The following NLRP5 variants were observed in gnomAD, a reference collection of about 807,000 sequenced individuals.
The protein encoded by NLRP5 is NLR family pyrin domain containing 5.
A neutral mutation model predicts 113.1 loss-of-function variants in NLRP5; 93 were observed. The observed-to-expected ratio is 0.82, with a 90% CI of 0.70 to 0.98. The LOEUF is 0.98. Among genes scored for constraint, NLRP5 ranks in the 50% least tolerant of loss-of-function variants. The probability of loss-of-function intolerance (pLI) is 0.00; values close to 1 mark genes in which losing one functional copy is unlikely to be tolerated. For synonymous variants in NLRP5, 751 were observed against 600.7 expected, an observed-to-expected ratio of 1.25 and a Z score of -3.66; for missense variants, 1,808 against 1,514.3, an observed-to-expected ratio of 1.19 and a Z score of -3.22.
Position 56,061,691 on chromosome 19 carries a change from C to A in NLRP5, c.*163C>A, listed in dbSNP as rs1032852500. 3.9e-6 allele frequency: 3 copies of A among 764,354 alleles called. No individual in the cohort carries two copies. In the East Asian group the frequency reaches 7.9e-5, roughly 20 times the overall value. The allele number at this position is 764,354 out of a possible 1,614,324, so 47.3% of individuals were successfully genotyped here. A position where few individuals can be genotyped will look rare whatever the true frequency, so the allele number is the denominator to read the frequency against. ...TAGTGATTCTTCTGTGTTCACTCTACGTTGGTTACTGGATTTGAAGGCTAG... is the reference window on the plus strand; with the variant it reads ...TAGTGATTCTTCTGTGTTCACTCTAAGTTGGTTACTGGATTTGAAGGCTAG... On this transcript the variant is annotated 3_prime_UTR_variant, in exon 15 of 15. Coordinates refer to ENST00000390649, the MANE Select transcript of NLRP5 (RefSeq NM_153447.4).
Position 56,027,397 on chromosome 19 carries a change from C to A in NLRP5, c.1164C>A (p.Phe388Leu). 6.2e-7 allele frequency: 1 copy of A among 1,613,508 alleles called. No homozygotes were observed. The highest frequency in any genetic ancestry group is 2.2e-5 in the East Asian group (1 of 44,878). The stretch of plus-strand genomic sequence containing the variant: ...ACTGGGCTGAGAAGCAGCCTCCGTT[C>A]ACCCTCATACGCAGTCTGCTGAGGA... Residue 388 changes from phenylalanine (F) to leucine (L), a missense_variant, in exon 7 of 15, where the codon TTC becomes TTA. By Grantham distance (22) the Phe-to-Leu change is conservative. Transcript: ENST00000390649.
chr19:56,033,728 T>C lies in NLRP5; in HGVS notation c.2615+19T>C, dbSNP rs1459657274. The C allele has an allele frequency of 1.9e-6, 3 of 1,572,304 alleles. No individual in the cohort carries two copies. Among genetic ancestry groups the C allele is most frequent in the Non-Finnish European group, 2.6e-6 (3 of 1,159,718 alleles). The stretch of plus-strand genomic sequence containing the variant: ...CTTTGAGGTACGTCTCTGGTAGAGC[T>C]TTTGCCTTGTTTTTCTTCGTTTTTA... On this transcript the variant is annotated intron_variant, in intron 9 of 14. Transcript: ENST00000390649.
Position 56,003,119 on chromosome 19 carries a change from G to C in NLRP5, c.63-597G>C, listed in dbSNP as rs1201203308. On this transcript the variant is annotated intron_variant, in intron 1 of 14. Coordinates refer to ENST00000390649, the MANE Select transcript of NLRP5 (RefSeq NM_153447.4). ...TCCCATTACTGGGTATATACCCTAA[G>C]GATTATAAATCATGCTGCTATAAAG... 2.0e-5 allele frequency among the ~76,000 whole-genome samples: 3 copies of C among 151,146 alleles called. No individual in the cohort carries two copies. In the East Asian group the frequency reaches 5.9e-4, roughly 30 times the overall value.
At chr19:56,006,372 T>TA (rs1378609949) in intron 2 of NLRP5, among the ~76,000 whole-genome samples, 1 of 152,044 alleles carries the variant, frequency 6.6e-6, no homozygotes, top group African/African-American at 2.4e-5. Context: ...CATGTATACA[T>TA]ATGTAACAAA....
In NLRP5 at chr19:56,023,675, T is replaced by A. The variant is rs1982705015; in HGVS notation, c.680-3238T>A. Among the ~76,000 whole-genome samples, 4 of 152,308 alleles carry A rather than the reference T, an allele frequency of 2.6e-5. No individual in the cohort carries two copies. In the South Asian group the frequency reaches 6.2e-4, roughly 24 times the overall value. Reference sequence around the variant, plus strand: ...TTAGATATTATAAGCAGCCTAGAGATGACTTAAACTACATGGGAGGATGTG... The same window carrying A: ...TTAGATATTATAAGCAGCCTAGAGAAGACTTAAACTACATGGGAGGATGTG... On this transcript the variant is annotated intron_variant, in intron 6 of 14. Transcript: ENST00000390649.
At chr19:55,995,704 TTCTAA>T (rs1981303162), upstream of NLRP5, among the ~76,000 whole-genome samples, 1 of 151,766 alleles carries the variant, frequency 6.6e-6, no homozygotes, top group Admixed American at 6.6e-5. Context: ...AACAACATTC[TTCTAA>T]TCAGTGAACG....
At chr19:56,030,235 T>C (rs542095192) in intron 7 of NLRP5, among the ~76,000 whole-genome samples, 24 of 151,962 alleles carry the variant, frequency 1.6e-4, no homozygotes, top group African/African-American at 5.8e-4. Flanking sequence ...TGGGGCGTGG[T>C]GGTGGGTGCC....
At chr19:56,056,579 G>T (rs762412685) in intron 13 of NLRP5, among the ~76,000 whole-genome samples, 1 of 151,910 alleles carries the variant, frequency 6.6e-6, no homozygotes, top group African/African-American at 2.4e-5. Context: ...GCATCCCTGC[G>T]GTAGTTAATT....
chr19:55,991,870 CTTT>C, the NLRP5 span, among the ~76,000 whole-genome samples: 1 of 151,986 alleles, frequency 6.6e-6, no homozygotes, highest in Non-Finnish European at 1.5e-5. Flanking sequence ...AGCTAACATT[CTTT>C]TTTTACTTTT....
intron 11 of NLRP5, among the ~76,000 whole-genome samples, chr19:56,045,711 C>A (rs1983698430): frequency 6.6e-6 from 1 of 152,000 alleles, no homozygotes; most frequent in Non-Finnish European, 1.5e-5. Context: ...TAGGGATAAG[C>A]AGTGGAAAGT....
At chr19:56,001,803 C>T (rs1981663009) in intron 1 of NLRP5, among the ~76,000 whole-genome samples, 1 of 152,074 alleles carries the variant, frequency 6.6e-6, no homozygotes, top group Non-Finnish European at 1.5e-5. Context: ...CCAATACCGC[C>T]CCTCAGACAA....
intron 2 of NLRP5, 92 bp downstream of exon 2, chr19:56,004,187 C>A: frequency 7.4e-7 from 1 of 1,346,786 alleles, no homozygotes; most frequent in Non-Finnish European, 1.0e-6. Flanking sequence ...CAGTAACCGG[C>A]TCCACCTCTG....
chr19:56,059,987 TAGG>T (rs1375772098), intron 14 of NLRP5, among the ~76,000 whole-genome samples: 14 of 152,074 alleles, frequency 9.2e-5, no homozygotes, highest in African/African-American at 1.9e-4. Flanking sequence ...CCTGGAATCA[TAGG>T]AGGAAGGTGA....
Position 56,058,028 on chromosome 19 carries a change from CA to C in NLRP5, c.3300-196del, listed in dbSNP as rs10659776. 8.0e-3 allele frequency among the ~76,000 whole-genome samples: 930 copies of C among 115,572 alleles called. 7 individuals carry two copies. Among genetic ancestry groups the C allele is most frequent in the African/African-American group, 0.019 (596 of 31,794 alleles). 75.8% of individuals were successfully genotyped at this position (115,572 alleles called of 152,430 possible). A position where few individuals can be genotyped will look rare whatever the true frequency, so the allele number is the denominator to read the frequency against. On this transcript the variant is annotated intron_variant, in intron 13 of 14. Transcript: ENST00000390649. ...GGGCAACAAGAGTGAAATGCTATCT[CA>C]AAAAAAAAAAAAAAAGGCGAATATT...
intron 9 of NLRP5, among the ~76,000 whole-genome samples, chr19:56,033,983 T>G (rs1983218607): frequency 6.6e-6 from 1 of 152,244 alleles, no homozygotes; most frequent in Non-Finnish European, 1.5e-5. Context: ...TTGCTCAGTC[T>G]GATCTTGAAC....
intron 7 of NLRP5, among the ~76,000 whole-genome samples, chr19:56,031,564 G>T: frequency 6.7e-6 from 1 of 149,330 alleles, no homozygotes; most frequent in Non-Finnish European, 1.5e-5. Flanking sequence ...TTGGGAGGCA[G>T]AGGTTGCAGT....
intron 2 of NLRP5, among the ~76,000 whole-genome samples, chr19:56,005,994 G>A (rs1230172554): frequency 2.6e-5 from 4 of 152,156 alleles, no homozygotes; most frequent in Admixed American, 6.6e-5. Context: ...TTCATCTACC[G>A]TGGCATATGT....
Position 56,037,920 on chromosome 19 carries a change from C to T in NLRP5, c.2616-105C>T, listed in dbSNP as rs150556969. 2.1e-4 allele frequency: 249 copies of T among 1,173,348 alleles called. 1 individual carries two copies. The African/African-American group carries it at 3.1e-3, about 15-fold the overall frequency. 72.7% of individuals were successfully genotyped at this position (1,173,348 alleles called of 1,614,324 possible). A position where few individuals can be genotyped will look rare whatever the true frequency, so the allele number is the denominator to read the frequency against. On this transcript the variant is annotated intron_variant, in intron 9 of 14. Coordinates refer to ENST00000390649, the MANE Select transcript of NLRP5 (RefSeq NM_153447.4). ...CCCGGAGGCAGGAGCAGACAGAGTT[C>T]GAGGACCAGGAAAACGGCCAGCGCT...
chr19:56,018,725 A>G, intron 4 of NLRP5: 1 of 153,020 alleles, frequency 6.5e-6, no homozygotes, highest in Non-Finnish European at 1.5e-5. Context: ...TCAGCCTCCC[A>G]AGTAGCTGGG....
Sources: gnomAD v4.1 joint callset for allele counts (sites outside exome capture counted in the v4.1 genomes callset) on GRCh38, gnomAD v4.1.1 for gene constraint, MANE v1.5 for transcripts, NCBI Gene and HGNC (gene_info 2026-07-23, HGNC 2026-07-21) for gene names.